SPECC1L: variants seen among roughly 807,000 people sequenced by gnomAD.
SPECC1L encodes sperm antigen with calponin homology and coiled-coil domains 1 like.
In SPECC1L, 40 loss-of-function variants were observed where a neutral mutation model predicts 116.8. The observed-to-expected ratio is 0.34, with a 90% confidence interval of 0.27 to 0.45. The LOEUF (loss-of-function observed/expected upper bound fraction) is 0.45, where lower values mean the gene tolerates loss of function less well. Among genes scored for constraint, SPECC1L ranks in the 20% least tolerant of loss-of-function variants. The probability of loss-of-function intolerance (pLI) is 1.00; values close to 1 mark genes in which losing one functional copy is unlikely to be tolerated. For synonymous variants in SPECC1L, 504 were observed against 500.6 expected (o/e 1.01, Z -0.09); for missense variants, 1,110 against 1,373.6 (o/e 0.81, Z 3.03).
chr22:24,354,193 C>G (rs760584829), intron 11 of SPECC1L, among the ~76,000 whole-genome samples: 9 of 152,208 alleles, frequency 5.9e-5, no homozygotes, highest in Non-Finnish European at 1.3e-4. Context: ...CTACCAGGCC[C>G]ACCTCCAACA....
Position 24,324,382 on chromosome 22 carries a change from C to T in SPECC1L, c.2101C>T (p.Arg701Cys), listed in dbSNP as rs753492834. Residue 701 changes from arginine to cysteine, a missense_variant, in exon 6 of 17, where the codon CGT (arginine) becomes TGT (cysteine). This residue lies in a region of SPECC1L where 575 missense variants were observed against 682.4 expected (regional missense o/e 0.84). Transcript: ENST00000314328. ...ACTTGAAGATGAAGTAGAACAACAT[C>T]GTGCTGTGAAACTTCATGACAACCT... ...FELEDEVEQHRAVKLHDNLII... is the reference protein window; with the variant it reads ...FELEDEVEQHCAVKLHDNLII... The T allele has an allele frequency of 5.6e-6, 9 of 1,613,992 alleles. No individual in the cohort carries two copies. Among genetic ancestry groups the T allele is most frequent in the South Asian group, 3.3e-5 (3 of 91,076 alleles).
In SPECC1L at chr22:24,311,249, A is replaced by G. The variant is rs113279973; in HGVS notation, c.154-2064A>G. 2.6e-5 allele frequency among the ~76,000 whole-genome samples: 4 copies of G among 152,362 alleles called. 1 individual carries two copies. Among genetic ancestry groups the G allele is most frequent in the East Asian group, 1.9e-4 (1 of 5,194 alleles). On this transcript the variant is annotated intron_variant, in intron 3 of 16. Transcript: ENST00000314328. Reference sequence around the variant, plus strand: ...ATGAGTAGTCCACTTTGACATGACAATGTAGGGTGGTTTTCAATGTAATTA... The same window carrying G: ...ATGAGTAGTCCACTTTGACATGACAGTGTAGGGTGGTTTTCAATGTAATTA...
At chr22:24,353,776 G>A (rs1308913847) in intron 11 of SPECC1L, among the ~76,000 whole-genome samples, 1 of 152,164 alleles carries the variant, frequency 6.6e-6, no homozygotes, top group Non-Finnish European at 1.5e-5. Context: ...TTTATCAGGG[G>A]TACATGAGAT....
chr22:24,376,892 T>A (rs1174010557), intron 14 of SPECC1L, among the ~76,000 whole-genome samples: 1 of 152,020 alleles, frequency 6.6e-6, no homozygotes, highest in Admixed American at 6.6e-5. Flanking sequence ...ACTTAAAATG[T>A]ACATTTCAGT....
At chr22:24,399,550 G>A (rs992375970) in intron 14 of SPECC1L, among the ~76,000 whole-genome samples, 3 of 151,652 alleles carry the variant, frequency 2.0e-5, no homozygotes, top group Non-Finnish European at 2.9e-5. Context: ...CAGCCTGGGC[G>A]ACAAAGCGAG....
chr22:24,344,008 T>C (rs1191198968), intron 10 of SPECC1L, among the ~76,000 whole-genome samples: 3 of 151,996 alleles, frequency 2.0e-5, no homozygotes, highest in African/African-American at 7.3e-5. Context: ...GCCCAGGTGG[T>C]TTTACTAGTG....
At chr22:24,296,474 T>C (rs970642932) in intron 2 of SPECC1L, among the ~76,000 whole-genome samples, 1 of 152,278 alleles carries the variant, frequency 6.6e-6, no homozygotes, top group Non-Finnish European at 1.5e-5. Context: ...ACAATGTTTT[T>C]ATGAGGAGAG....
chr22:24,408,793 T>G (rs954890954), intron 14 of SPECC1L, among the ~76,000 whole-genome samples: 4 of 152,230 alleles, frequency 2.6e-5, no homozygotes, highest in Non-Finnish European at 4.4e-5. Flanking sequence ...CACTGGAACG[T>G]TCTGGGCACG....
intron 3 of SPECC1L, among the ~76,000 whole-genome samples, chr22:24,307,600 A>T (rs6004126): frequency 1.2e-3 from 187 of 149,778 alleles, no homozygotes; most frequent in African/African-American, 4.1e-3. Flanking sequence ...TGTGTATGTG[A>T]GTGTGTGTGT....
At chr22:24,411,792 A>T in intron 15 of SPECC1L, 88 bp downstream of exon 15, 1 of 1,089,530 alleles carries the variant, frequency 9.2e-7, no homozygotes, top group Non-Finnish European at 1.4e-6. Flanking sequence ...AGCAGGTCAC[A>T]TGCCACAGCG....
chr22:24,321,592 T>G lies in SPECC1L; in HGVS notation c.612T>G (p.Asn204Lys), dbSNP rs1345439548. Residue 204 changes from asparagine to lysine, a missense_variant, in exon 5 of 17, where the codon AAT (asparagine) becomes AAG (lysine). Asn to Lys is a moderately conservative substitution (Grantham distance 94, BLOSUM62 0). Transcript: ENST00000314328. ...ACGTAGAAATTTTACATTTGAGAAA[T>G]GAACTGCGAGACATGCGTGCCCAGC... Reference protein sequence around the residue: ...TKDVEILHLRNELRDMRAQLG... With the variant: ...TKDVEILHLRKELRDMRAQLG... 6.2e-7 allele frequency: 1 copy of G among 1,614,174 alleles called. No individual in the cohort carries two copies. Among genetic ancestry groups the G allele is most frequent in the Admixed American group, 1.7e-5 (1 of 60,028 alleles).
At chr22:24,406,820 C>T (rs996900171) in intron 14 of SPECC1L, among the ~76,000 whole-genome samples, 22 of 152,226 alleles carry the variant, frequency 1.4e-4, no homozygotes, top group Non-Finnish European at 2.2e-4. Flanking sequence ...CCGTGCCTTC[C>T]GAGAACCCAG....
At chr22:24,390,852 CTTTTTTTTTTTTTTCTTTTCTTTTTT>C (rs1254970557) in intron 14 of SPECC1L, among the ~76,000 whole-genome samples, 5 of 48,584 alleles carry the variant, frequency 1.0e-4, no homozygotes, top group Admixed American at 5.0e-4. Context: ...GCCTGTGTTC[CTTTTTTTTTTTTTTCTTTTCTTTTTT>C]TTTTTTTTTT....
At chr22:24,363,240 G>A (rs970424806) in intron 11 of SPECC1L, 21 bp from the exon 12 acceptor site, 7 of 1,606,132 alleles carry the variant, frequency 4.4e-6, no homozygotes, top group African/African-American at 1.3e-5. Context: ...TCTTTATTGG[G>A]ATTCTTTCTA....
At chr22:24,332,436 T>C (rs1408973163) in intron 8 of SPECC1L, among the ~76,000 whole-genome samples, 3 of 152,232 alleles carry the variant, frequency 2.0e-5, no homozygotes, top group African/African-American at 7.2e-5. Flanking sequence ...TAGGAAAAGT[T>C]CACTTATATG....
chr22:24,282,427 G>A (rs894318805), intron 2 of SPECC1L, among the ~76,000 whole-genome samples: 6 of 152,210 alleles, frequency 3.9e-5, no homozygotes, highest in Admixed American at 2.0e-4. Context: ...GAATGAGCAA[G>A]GACAACTGGG....
chr22:24,387,344 T>C (rs2042180027), intron 14 of SPECC1L, among the ~76,000 whole-genome samples: 2 of 152,024 alleles, frequency 1.3e-5, no homozygotes, highest in Non-Finnish European at 2.9e-5. Flanking sequence ...GCCAAAACAG[T>C]GGTGAGATTA....
intron 14 of SPECC1L, among the ~76,000 whole-genome samples, chr22:24,370,225 G>A (rs996558266): frequency 5.9e-5 from 9 of 152,372 alleles, no homozygotes; most frequent in Admixed American, 2.6e-4. Context: ...ATGACTTTAA[G>A]TGATGATCCT....
At chr22:24,372,693 C>T (rs189855459) in intron 14 of SPECC1L, among the ~76,000 whole-genome samples, 2 of 150,388 alleles carry the variant, frequency 1.3e-5, no homozygotes, top group African/African-American at 2.5e-5. Flanking sequence ...AAACTGGAAG[C>T]GTTCCCTTTG....
Sources: allele counts gnomAD v4.1 joint callset (sites outside exome capture counted in the v4.1 genomes callset), GRCh38; gene constraint gnomAD v4.1.1; regional missense constraint gnomAD v4.1.1; transcripts MANE v1.5; gene names NCBI Gene and HGNC (gene_info 2026-07-23, HGNC 2026-07-21).